Variants in C20orf203 observed in about 807,000 individuals in gnomAD.
C20orf203 encodes chromosome 20 open reading frame 203.
C20orf203 carries 16 observed loss-of-function variants against 15.9 expected under a neutral mutation model. The ratio of observed to expected loss-of-function variants is 1.01; its 90% CI spans 0.68 to 1.53. The LOEUF (loss-of-function observed/expected upper bound fraction) is 1.53. Among genes scored for constraint, C20orf203 ranks in the 40% most tolerant of loss-of-function variants. C20orf203 has a pLI of 0.00. For synonymous variants in C20orf203, 98 were observed against 97.2 expected (o/e 1.01, Z -0.05); for missense variants, 263 against 247.5 (o/e 1.06, Z -0.42).
rs1982013267 is a variant in C20orf203, at chr20:32,632,178, G to A, written c.*3392C>T. 1 of 152,260 alleles carries A rather than the reference G, an allele frequency of 6.6e-6. No individual in the cohort carries two copies. The highest frequency in any genetic ancestry group is 1.5e-5 in the Non-Finnish European group (1 of 68,074). The allele number at this position is 152,260 out of a possible 1,614,324, so 9.4% of individuals were successfully genotyped here. On this transcript the variant is annotated 3_prime_UTR_variant, in exon 6 of 6. Transcript: ENST00000608990. ...TTTGAGCCTCACAAATACCGCACTG[G>A]GGGAGGCAACAGCCCGTCTGTGCCC...
At chr20:32,670,377 G>C (rs533550210) in intron 1 of C20orf203, among the ~76,000 whole-genome samples, 1 of 149,848 alleles carries the variant, frequency 6.7e-6, no homozygotes, top group Non-Finnish European at 1.5e-5. Context: ...GTGGTGGCAG[G>C]CACCTGTAAT....
rs56325748 is a variant in C20orf203, at chr20:32,643,625, CCACACACACACACACACACA to C, written c.*1178-2958_*1178-2939del. ...GTGTAGACCCAGCCGCTTCCTGGAACCACACACACACACACACACACACACACACACACACACACACACAC... is the reference window on the plus strand; with the variant it reads ...GTGTAGACCCAGCCGCTTCCTGGAACCACACACACACACACACACACACAC... On this transcript the variant is annotated intron_variant, in intron 4 of 5. Transcript: ENST00000608990. Among the ~76,000 whole-genome samples, 80 of 140,848 alleles carry C rather than the reference CCACACACACACACACACACA, an allele frequency of 5.7e-4. 1 individual carries two copies. In the South Asian group the frequency reaches 8.1e-3, roughly 14 times the overall value. 92.4% of individuals were successfully genotyped at this position (140,848 alleles called of 152,430 possible).
At chr20:32,639,201 A>G (rs6058773) in intron 5 of C20orf203, among the ~76,000 whole-genome samples, 152,344 of 152,384 alleles carry the variant, frequency 1, 76,152 homozygotes, top group Middle Eastern at 1. Context: ...CAAAGGGCTC[A>G]GCACACAGCA....
At chr20:32,663,142 G>A (rs962454737) in intron 1 of C20orf203, among the ~76,000 whole-genome samples, 7 of 151,828 alleles carry the variant, frequency 4.6e-5, no homozygotes, top group African/African-American at 1.7e-4. Flanking sequence ...TAGAGACGGG[G>A]TTTCACCATG....
intron 1 of C20orf203, chr20:32,657,987 A>T (rs1417845701): frequency 6.6e-6 from 1 of 152,092 alleles, no homozygotes. Flanking sequence ...AAAAAAAGAA[A>T]GAAAGAAAGA....
At position 32,650,789 on chromosome 20, in the gene C20orf203, G is replaced by C. The variant is rs1982597158; in HGVS notation, c.228C>G (p.Pro76=). The C allele has an allele frequency of 1.3e-6, 2 of 1,505,232 alleles. No individual in the cohort carries two copies. The highest frequency in any genetic ancestry group is 4.4e-5 in the Admixed American group (2 of 45,718). The allele number at this position is 1,505,232 out of a possible 1,614,324, so 93.2% of individuals were successfully genotyped here. The change falls in exon 4 of 6, where the codon CCC becomes CCG. Residue 76 remains proline (P), a synonymous_variant. Coordinates refer to ENST00000608990, the MANE Select transcript of C20orf203 (RefSeq NM_182584.4). The part of the protein sequence containing the change: ...RRTSKAQRVH[P]QPSHQRQPPP... ...GAGGCTGGCGCTGGTGGCTGGGCTG[G>C]GGGTGGACTCGCTGAGCCTTTGAGG...
Position 32,633,846 on chromosome 20 carries a change from T to C in C20orf203, c.*1724A>G. 1 of 394,348 alleles carries C rather than the reference T, an allele frequency of 2.5e-6. No individual in the cohort carries two copies. Among genetic ancestry groups the C allele is most frequent in the Non-Finnish European group, 4.5e-6 (1 of 223,868 alleles). The allele number at this position is 394,348 out of a possible 1,614,324, so 24.4% of individuals were successfully genotyped here. A position where few individuals can be genotyped will look rare whatever the true frequency, so the allele number is the denominator to read the frequency against. ...AGCCTCCTTTCATGGAAGGAGGTCT[T>C]GCCGTCTGCCTCCCTACTCCTGACT... On this transcript the variant is annotated 3_prime_UTR_variant, in exon 6 of 6. Coordinates refer to ENST00000608990, the MANE Select transcript of C20orf203 (RefSeq NM_182584.4).
In C20orf203 at chr20:32,641,040, T is replaced by C. The variant is rs538876340; in HGVS notation, c.*1178-353A>G. On this transcript the variant is annotated intron_variant, in intron 4 of 5. Transcript: ENST00000608990. ...TCATCATATTGAAAGACATTCAGGC[T>C]GGGTGTGGTGGCTCATGCTTGTAAT... Among the ~76,000 whole-genome samples the C allele has an allele frequency of 5.3e-5, 8 of 152,212 alleles. No individual in the cohort carries two copies. In the South Asian group the frequency reaches 1.7e-3, roughly 32 times the overall value.
chr20:32,634,349 G>A, intron 5 of C20orf203, 79 bp from the exon 6 acceptor site: 1 of 397,302 alleles, frequency 2.5e-6, no homozygotes, highest in Non-Finnish European at 4.4e-6. Flanking sequence ...GGACAAAGCG[G>A]TGGAAGACAG....
chr20:32,656,872 A>AAAAAAAAAAAAAAAACAC (rs1982769922), intron 1 of C20orf203: 1 of 151,938 alleles, frequency 6.6e-6, no homozygotes, highest in Admixed American at 6.6e-5. Context: ...TCAAAAAAAA[A>AAAAAAAAAAAAAAAACAC]ATCTTACATG....
In C20orf203 at chr20:32,637,855, T is replaced by C. The variant is rs933290815; in HGVS notation, c.*1299+2711A>G. ...CAGACATCAGTGCCCTCTGCGTCAC[T>C]GTGTGTGCATGCATGCATGTGTGTG... On this transcript the variant is annotated intron_variant, in intron 5 of 5. Coordinates refer to ENST00000608990, the MANE Select transcript of C20orf203 (RefSeq NM_182584.4). 2.0e-5 allele frequency among the ~76,000 whole-genome samples: 3 copies of C among 152,312 alleles called. No individual in the cohort carries two copies. The East Asian group carries it at 5.8e-4, about 29-fold the overall frequency.
At chr20:32,647,669 C>T (rs1344861750) in intron 4 of C20orf203, among the ~76,000 whole-genome samples, 2 of 152,180 alleles carry the variant, frequency 1.3e-5, no homozygotes, top group African/African-American at 4.8e-5. Flanking sequence ...TATGCCACTG[C>T]ACTCCAGCCT....
At chr20:32,664,158 C>T (rs963739727) in intron 1 of C20orf203, among the ~76,000 whole-genome samples, 7 of 152,184 alleles carry the variant, frequency 4.6e-5, no homozygotes, top group Non-Finnish European at 7.3e-5. Context: ...CTGATCCCAG[C>T]GCTCTGGGTT....
chr20:32,644,758 C>T (rs576029640), intron 4 of C20orf203, among the ~76,000 whole-genome samples: 17 of 143,798 alleles, frequency 1.2e-4, no homozygotes, highest in African/African-American at 3.7e-4. Context: ...CTAGGCCCTG[C>T]GAGGTTTGGA....
intron 1 of C20orf203, among the ~76,000 whole-genome samples, chr20:32,673,322 C>T (rs1983219411): frequency 6.6e-6 from 1 of 152,148 alleles, no homozygotes; most frequent in African/African-American, 2.4e-5. Flanking sequence ...CAAGACTGGC[C>T]GGAGGTGTCT....
chr20:32,654,370 A>G (rs1982707642), intron 1 of C20orf203, among the ~76,000 whole-genome samples: 1 of 152,254 alleles, frequency 6.6e-6, no homozygotes, highest in Non-Finnish European at 1.5e-5. Context: ...AAAAATACCA[A>G]TGTTCATAGA....
intron 4 of C20orf203, among the ~76,000 whole-genome samples, chr20:32,641,117 G>C (rs971608194): frequency 1.3e-5 from 2 of 151,906 alleles, no homozygotes; most frequent in South Asian, 2.1e-4. Context: ...CCAGGAGTTC[G>C]AGACCAGCCT....
intron 1 of C20orf203, among the ~76,000 whole-genome samples, chr20:32,671,013 TAAAA>T (rs10590852): frequency 3.5e-5 from 5 of 144,736 alleles, no homozygotes; most frequent in African/African-American, 1.3e-4. Context: ...TGCCATTATT[TAAAA>T]AAAAAAAAAA....
intron 1 of C20orf203, among the ~76,000 whole-genome samples, chr20:32,670,498 C>T (rs1385960483): frequency 7.9e-5 from 12 of 151,648 alleles, no homozygotes; most frequent in Admixed American, 7.9e-4. Context: ...CAGAGAAAGA[C>T]TCCGTCTCAA....
Sources: allele counts gnomAD v4.1 joint callset (sites outside exome capture counted in the v4.1 genomes callset), GRCh38; gene constraint gnomAD v4.1.1; transcripts MANE v1.5; gene names NCBI Gene and HGNC (gene_info 2026-07-23, HGNC 2026-07-21).